The following SDK1 variants were observed in gnomAD, a reference collection of about 807,000 sequenced individuals.
SDK1 encodes the protein sidekick cell adhesion molecule 1.
In SDK1, 157 loss-of-function variants were observed where a neutral mutation model predicts 245.5. The observed-to-expected ratio is 0.64, with a 90% CI of 0.56 to 0.73. The LOEUF (loss-of-function observed/expected upper bound fraction) is 0.73. Ranked by LOEUF, SDK1 falls within the 30% of genes least tolerant of loss-of-function variation. The pLI is 0.00. For missense variants in SDK1, 3,583 were observed against 3,002.3 expected (o/e 1.19, Z -4.52); for synonymous variants, 1,647 against 1,278.5 (o/e 1.29, Z -6.15).
At chr7:3,448,717 C>T (rs374820712) in intron 1 of SDK1, among the ~76,000 whole-genome samples, 2 of 151,968 alleles carry the variant, frequency 1.3e-5, no homozygotes, top group African/African-American at 4.8e-5. Context: ...AATAAACCAC[C>T]CTTTCTTTCT....
Position 3,951,919 on chromosome 7 carries a change from A to C in SDK1, c.1149A>C (p.Ile383=). The change falls in exon 7 of 45, where the codon ATA becomes ATC. Residue 383 remains isoleucine (I), a splice_region_variant and synonymous_variant. Transcript: ENST00000404826. ...PARATAFLFI[I]EPPYFTAEPE... is the part of the protein sequence containing the mutation. ...GGGCGACGGCCTTTCTTTTCATCAT[A>C]GGTAATGCGGGAGCCTCTAAGTGGT... 6.2e-7 allele frequency: 1 copy of C among 1,611,708 alleles called. No homozygotes were observed. Among genetic ancestry groups the C allele is most frequent in the East Asian group, 2.2e-5 (1 of 44,860 alleles).
In SDK1 at chr7:3,615,911, C is replaced by T. The variant is rs571926385; in HGVS notation, c.299-3169C>T. 2.7e-5 allele frequency among the ~76,000 whole-genome samples: 4 copies of T among 150,290 alleles called. No individual in the cohort carries two copies. The South Asian group carries it at 8.4e-4, about 32-fold the overall frequency. ...TTTTTTTCTGAGACAGGGTCTTGGTCTGTCACCCACACTGCCAGGCTGGAG... is the reference window on the plus strand; with the variant it reads ...TTTTTTTCTGAGACAGGGTCTTGGTTTGTCACCCACACTGCCAGGCTGGAG... On this transcript the variant is annotated intron_variant, in intron 1 of 44. Coordinates refer to ENST00000404826, the MANE Select transcript of SDK1 (RefSeq NM_152744.4).
At chr7:4,176,511 A>G (rs1336949147) in intron 34 of SDK1, among the ~76,000 whole-genome samples, 1 of 152,116 alleles carries the variant, frequency 6.6e-6, no homozygotes, top group Non-Finnish European at 1.5e-5. Context: ...CAGAAAATGG[A>G]CCTTCTTAAC....
At chr7:4,219,031 T>C (rs534675369) in intron 38 of SDK1, among the ~76,000 whole-genome samples, 3 of 152,356 alleles carry the variant, frequency 2.0e-5, no homozygotes, top group Non-Finnish European at 4.4e-5. Flanking sequence ...TATTTCTAGG[T>C]AATCCAACCA....
rs183563915 is a variant in SDK1 at position 3,624,127 on chromosome 7, T to C, written c.458+4888T>C. Among the ~76,000 whole-genome samples the C allele has an allele frequency of 2.8e-4, 43 of 152,322 alleles. 1 individual carries two copies. The East Asian group carries it at 7.3e-3, about 26-fold the overall frequency. On this transcript the variant is annotated intron_variant, in intron 2 of 44. Coordinates refer to ENST00000404826, the MANE Select transcript of SDK1 (RefSeq NM_152744.4). Reference sequence around the variant, plus strand: ...TAGGAAACCCACTTGCTATAAAAATTACAGTTCCTTTGAAGCCATCATAGA... The same window carrying C: ...TAGGAAACCCACTTGCTATAAAAATCACAGTTCCTTTGAAGCCATCATAGA...
intron 41 of SDK1, 86 bp from the exon 42 acceptor site, chr7:4,237,561 T>A (rs1786249305): frequency 1.3e-6 from 2 of 1,522,166 alleles, no homozygotes; most frequent in Non-Finnish European, 9.1e-7. Flanking sequence ...TACCCCAGCC[T>A]TCCCTGCCAA....
intron 1 of SDK1, among the ~76,000 whole-genome samples, chr7:3,430,158 T>C (rs1192141010): frequency 6.6e-6 from 1 of 152,186 alleles, no homozygotes; most frequent in African/African-American, 2.4e-5. Context: ...GGCATCTGCC[T>C]TCATCTCCGC....
At chr7:3,841,645 C>T (rs1277496291) in intron 5 of SDK1, among the ~76,000 whole-genome samples, 2 of 151,892 alleles carry the variant, frequency 1.3e-5, no homozygotes, top group African/African-American at 4.8e-5. Flanking sequence ...CGGCTCACTG[C>T]AACCTTCGCC....
At chr7:3,325,257 T>G (rs565080847) in intron 1 of SDK1, among the ~76,000 whole-genome samples, 1 of 152,254 alleles carries the variant, frequency 6.6e-6, no homozygotes, top group South Asian at 2.1e-4. Flanking sequence ...AATAGCCTGT[T>G]TTTTTCCTAA....
chr7:3,511,062 G>C (rs1416863196), intron 1 of SDK1, among the ~76,000 whole-genome samples: 4 of 152,210 alleles, frequency 2.6e-5, no homozygotes, highest in African/African-American at 9.6e-5. Flanking sequence ...AATGGTGACA[G>C]TGGCTTGGGC....
chr7:4,215,885 C>T (rs73048282), intron 38 of SDK1, among the ~76,000 whole-genome samples: 18,084 of 152,206 alleles, frequency 0.12, 1,469 homozygotes, highest in Non-Finnish European at 0.17. Flanking sequence ...ATGAGGTAAG[C>T]GCTGCCAACC....
intron 4 of SDK1, among the ~76,000 whole-genome samples, chr7:3,665,832 G>C (rs882552): frequency 0.024 from 3,645 of 152,234 alleles, 153 homozygotes; most frequent in African/African-American, 0.082. Context: ...AGCGTTCCTT[G>C]TGTTGCTTTT....
At chr7:3,701,688 A>T (rs1312027298) in intron 4 of SDK1, among the ~76,000 whole-genome samples, 1 of 152,220 alleles carries the variant, frequency 6.6e-6, no homozygotes, top group Non-Finnish European at 1.5e-5. Flanking sequence ...GAAAAGACGG[A>T]TAAGGTACAA....
At chr7:3,508,415 C>T (rs1020583323) in intron 1 of SDK1, among the ~76,000 whole-genome samples, 1 of 150,886 alleles carries the variant, frequency 6.6e-6, no homozygotes, top group Non-Finnish European at 1.5e-5. Context: ...GTAACCTCTA[C>T]CTCCTCGGTT....
At chr7:3,703,772 G>C (rs553191267) in intron 4 of SDK1, among the ~76,000 whole-genome samples, 1 of 152,134 alleles carries the variant, frequency 6.6e-6, no homozygotes. Flanking sequence ...CTTCTCCAAT[G>C]TCCTTCAAAA....
At chr7:3,337,330 CAG>C (rs1251940775) in intron 1 of SDK1, among the ~76,000 whole-genome samples, 1 of 151,040 alleles carries the variant, frequency 6.6e-6, no homozygotes, top group Non-Finnish European at 1.5e-5. Context: ...AACTTGAAGA[CAG>C]AAAATTAGAA....
At chr7:3,909,584 C>T (rs1007180274) in intron 5 of SDK1, among the ~76,000 whole-genome samples, 4 of 152,234 alleles carry the variant, frequency 2.6e-5, no homozygotes, top group African/African-American at 9.6e-5. Flanking sequence ...CCCCACCACA[C>T]CCACTACAGT....
At chr7:4,020,643 A>G (rs1786812726) in intron 17 of SDK1, among the ~76,000 whole-genome samples, 1 of 152,160 alleles carries the variant, frequency 6.6e-6, no homozygotes, top group Non-Finnish European at 1.5e-5. Context: ...TCAGGGGGAC[A>G]GTGGTGGGGG....
At chr7:3,486,297 A>T (rs185021232) in intron 1 of SDK1, among the ~76,000 whole-genome samples, 1 of 151,436 alleles carries the variant, frequency 6.6e-6, no homozygotes, top group African/African-American at 2.4e-5. Flanking sequence ...CTTTATTTGG[A>T]TCTTCTTTCT....
Sources: allele counts gnomAD v4.1 joint callset (sites outside exome capture counted in the v4.1 genomes callset), GRCh38; gene constraint gnomAD v4.1.1; transcripts MANE v1.5; gene names NCBI Gene and HGNC (gene_info 2026-07-23, HGNC 2026-07-21).